CDH23: variants seen among roughly 807,000 people sequenced by gnomAD.
CDH23 encodes cadherin related 23.
CDH23 carries 189 observed loss-of-function variants against 317.1 expected under a neutral mutation model. That is an observed-to-expected ratio of 0.60 (90% CI 0.53 to 0.67). The LOEUF (loss-of-function observed/expected upper bound fraction) is 0.67. Among genes scored for constraint, CDH23 ranks in the 30% least tolerant of loss-of-function variants. CDH23 has a pLI of 0.00. For synonymous variants in CDH23, 1,839 were observed against 1,876.8 expected (o/e 0.98, Z 0.52); for missense variants, 4,401 against 4,592.4 (o/e 0.96, Z 1.20).
At chr10:71,811,616 A>C in intron 64 of CDH23, 26 bp downstream of exon 64, 1 of 1,613,748 alleles carries the variant, frequency 6.2e-7, no homozygotes, top group South Asian at 1.1e-5. Context: ...CCCTGCCATC[A>C]GGGGGCCGAC....
At chr10:71,721,584 C>A (rs1866557924) in intron 28 of CDH23, among the ~76,000 whole-genome samples, 1 of 152,198 alleles carries the variant, frequency 6.6e-6, no homozygotes, top group Non-Finnish European at 1.5e-5. Flanking sequence ...TTGGGTGTGC[C>A]TGACCCAGGG....
At chr10:71,713,469 G>A (rs1866074994) in intron 28 of CDH23, 2 of 583,422 alleles carry the variant, frequency 3.4e-6, no homozygotes, top group Admixed American at 6.1e-5. Context: ...GCCCACTGGG[G>A]CAGGCTCCCG....
In CDH23 at chr10:71,812,145, C is replaced by T. The variant is rs559873371; in HGVS notation, c.9380+130C>T. ...TGTGGGCGCCCCCTGGTGGGCGGGC[C>T]ACCCTCCCTTCACCCTCCCTCCACC... On this transcript the variant is annotated intron_variant, in intron 66 of 69. Coordinates refer to ENST00000224721, the MANE Select transcript of CDH23 (RefSeq NM_022124.6). 5.3e-5 allele frequency: 84 copies of T among 1,588,632 alleles called. No individual in the cohort carries two copies. The African/African-American group carries it at 1.1e-3, about 20-fold the overall frequency.
intron 6 of CDH23, among the ~76,000 whole-genome samples, chr10:71,549,887 C>G (rs1180424001): frequency 1.3e-5 from 2 of 152,144 alleles, no homozygotes; most frequent in African/African-American, 4.8e-5. Context: ...GGGGAGGTTC[C>G]TTTCTTGACC....
At chr10:71,711,226 C>T (rs1473080073) in intron 27 of CDH23, among the ~76,000 whole-genome samples, 1 of 152,108 alleles carries the variant, frequency 6.6e-6, no homozygotes, top group Non-Finnish European at 1.5e-5. Context: ...CTTCTGCCAG[C>T]CTTCTAGGGA....
chr10:71,414,656 T>A (rs367649262), intron 1 of CDH23, among the ~76,000 whole-genome samples: 9 of 149,936 alleles, frequency 6.0e-5, no homozygotes, highest in Admixed American at 5.3e-4. Context: ...GTGATTTTTT[T>A]CTTTCTTGTA....
chr10:71,427,183 G>A (rs1336879334), intron 1 of CDH23, among the ~76,000 whole-genome samples: 1 of 32,380 alleles, frequency 3.1e-5, no homozygotes, highest in Non-Finnish European at 5.9e-5. Flanking sequence ...AAGAAGGAAG[G>A]AAGGAAGGAA....
At chr10:71,670,674 A>C (rs1022700492) in intron 14 of CDH23, among the ~76,000 whole-genome samples, 1 of 152,202 alleles carries the variant, frequency 6.6e-6, no homozygotes, top group Non-Finnish European at 1.5e-5. Flanking sequence ...AAGCCCAACC[A>C]GACTGTGGAC....
chr10:71,803,815 C>CAAAAAAAAAAAAA, intron 55 of CDH23, among the ~76,000 whole-genome samples: 1 of 71,108 alleles, frequency 1.4e-5, no homozygotes, highest in Non-Finnish European at 2.6e-5. Context: ...ACTAAAAATG[C>CAAAAAAAAAAAAA]AAAAAAAAAA....
intron 9 of CDH23, among the ~76,000 whole-genome samples, chr10:71,603,656 C>T (rs906595034): frequency 5.3e-5 from 8 of 152,216 alleles, no homozygotes; most frequent in Admixed American, 6.5e-5. Flanking sequence ...TCACCTTGCT[C>T]ACCTCCTGGC....
intron 57 of CDH23, among the ~76,000 whole-genome samples, chr10:71,806,904 G>A (rs1266213926): frequency 6.6e-6 from 1 of 152,238 alleles, no homozygotes; most frequent in East Asian, 1.9e-4. Context: ...CTGACAGCAA[G>A]GCTGAGGGCC....
At chr10:71,471,477 C>G (rs1851505177) in intron 3 of CDH23, among the ~76,000 whole-genome samples, 3 of 152,100 alleles carry the variant, frequency 2.0e-5, no homozygotes, top group Admixed American at 2.0e-4. Flanking sequence ...CCCTCTGCCC[C>G]CTTTATGTGC....
At position 71,803,324 on chromosome 10, in the gene CDH23, G is replaced by T; in HGVS notation, c.7776G>T (p.Trp2592Cys). 1 of 1,594,444 alleles carries T rather than the reference G, an allele frequency of 6.3e-7. No homozygotes were observed. Among genetic ancestry groups the T allele is most frequent in the Non-Finnish European group, 8.5e-7 (1 of 1,170,614 alleles). Residue 2592 changes from tryptophan (W) to cysteine (C), a missense_variant, in exon 55 of 70, where the codon TGG (tryptophan) becomes TGT (cysteine). Physicochemically the swap from Trp to Cys is radical, Grantham distance 215 (BLOSUM62 -2). Around this residue, in one of 3 missense-constraint regions of CDH23, gnomAD observed 1,144 missense variants for 1,138.2 expected, o/e 1.01. Transcript: ENST00000224721. The part of the protein sequence containing the change: ...VATDGGEPPL[W>C]GTTMLLVEVI... ...CAGATGGTGGAGAGCCCCCACTCTG[G>T]GGCACCACCATGCTCCTGGTGGAGG...
chr10:71,719,491 C>CTT (rs1288430003), intron 28 of CDH23: 2 of 152,468 alleles, frequency 1.3e-5, no homozygotes, highest in African/African-American at 4.8e-5. Context: ...CTTACTGGGC[C>CTT]TTGTTTCCCC....
chr10:71,583,185 G>C (rs1476413070), intron 9 of CDH23, among the ~76,000 whole-genome samples: 1 of 149,664 alleles, frequency 6.7e-6, no homozygotes, highest in Non-Finnish European at 1.5e-5. Flanking sequence ...AGTAGGAGAG[G>C]AGCCACATTC....
At chr10:71,552,075 CTA>C (rs1856627254) in intron 6 of CDH23, among the ~76,000 whole-genome samples, 1 of 152,272 alleles carries the variant, frequency 6.6e-6, no homozygotes, top group Non-Finnish European at 1.5e-5. Context: ...GCTACTACCG[CTA>C]TGACTGTGGG....
chr10:71,678,272 G>A (rs751044374), intron 16 of CDH23, among the ~76,000 whole-genome samples: 3 of 152,120 alleles, frequency 2.0e-5, no homozygotes, highest in Non-Finnish European at 2.9e-5. Flanking sequence ...GCTGGAAGGA[G>A]CCACAGAGAC....
At chr10:71,459,699 G>A (rs191164830) in intron 3 of CDH23, among the ~76,000 whole-genome samples, 36 of 152,292 alleles carry the variant, frequency 2.4e-4, no homozygotes, top group African/African-American at 7.0e-4. Flanking sequence ...TGGTGCAAGC[G>A]CTGGTGGGCC....
chr10:71,771,997 G>A (rs1219858160), intron 38 of CDH23, among the ~76,000 whole-genome samples: 1 of 152,226 alleles, frequency 6.6e-6, no homozygotes, highest in East Asian at 1.9e-4. Flanking sequence ...TGGGATGCTG[G>A]CTTGCCTGCC....
Sources: gnomAD v4.1 joint callset for allele counts (sites outside exome capture counted in the v4.1 genomes callset) on GRCh38, gnomAD v4.1.1 for gene constraint, gnomAD v4.1.1 regional missense constraint, MANE v1.5 for transcripts, NCBI Gene and HGNC (gene_info 2026-07-23, HGNC 2026-07-21) for gene names.